Variants in GCN1 observed in about 807,000 individuals in gnomAD.
GCN1 encodes the protein GCN1 activator of EIF2AK4, also known as stalled ribosome sensor GCN1.
GCN1 carries 90 observed loss-of-function variants against 288.4 expected under a neutral mutation model. That is an observed-to-expected ratio of 0.31 (90% confidence interval 0.26 to 0.37). The LOEUF is 0.37. Among genes scored for constraint, GCN1 ranks in the 10% least tolerant of loss-of-function variants. The pLI is 1.00. For missense variants in GCN1, 2,586 were observed against 3,419.9 expected (o/e 0.76, Z 6.08); for synonymous variants, 1,386 against 1,420.2 (o/e 0.98, Z 0.54).
rs758520915 is a variant in GCN1, at chr12:120,160,227, T to C, written c.2465A>G (p.Glu822Gly). ...CTGCTTGCTGGTCAGCTGCACCTCC[T>C]CTTTGATGCCTTTCTTCTTCTTTAT... ...EEIKKKKGIK[E>G]EVQLTSKQKE... Residue 822 changes from glutamate to glycine, a missense_variant, in exon 23 of 58, where the codon GAG becomes GGG. Around this residue, in one of 8 missense-constraint regions of GCN1, gnomAD observed 913 missense variants for 1,107.0 expected, o/e 0.82. Transcript: ENST00000300648. 2 of 1,612,292 alleles carry C rather than the reference T, an allele frequency of 1.2e-6. No individual in the cohort carries two copies. Among genetic ancestry groups the C allele is most frequent in the East Asian group, 4.5e-5 (2 of 44,878 alleles).
At chr12:120,132,473 T>C (rs886680313) in intron 53 of GCN1, among the ~76,000 whole-genome samples, 3 of 152,068 alleles carry the variant, frequency 2.0e-5, no homozygotes, top group African/African-American at 7.2e-5. Flanking sequence ...TCTGAGCTCC[T>C]TTCTCCCACA....
In GCN1 at chr12:120,155,618, C is replaced by G; in HGVS notation, c.3414G>C (p.Glu1138Asp). The G allele has an allele frequency of 6.2e-7, 1 of 1,614,112 alleles. No homozygotes were observed. The highest frequency in any genetic ancestry group is 8.5e-7 in the Non-Finnish European group (1 of 1,179,998). ...RRLWVVKFDK[E>D]EEIRKLAERL... The stretch of plus-strand genomic sequence containing the variant: ...TCTCAGCCAGCTTCCGGATCTCCTC[C>G]TCCTTGTCAAACTTGACCACCCAGA... The change falls in exon 29 of 58, where the codon GAG (glutamate) becomes GAC (aspartate). Residue 1138 changes from glutamate to aspartate, a missense_variant. By Grantham distance (45) the Glu-to-Asp change is conservative. This residue lies in a region of GCN1 where 332 missense variants were observed against 403.0 expected (regional missense o/e 0.82). Coordinates refer to ENST00000300648, the MANE Select transcript of GCN1 (RefSeq NM_006836.2). This position sits in a 1 kb window ranked among gnomAD's most constrained non-coding sequence, Gnocchi z 4.9.
chr12:120,137,987 C>T lies in GCN1; in HGVS notation c.6307G>A (p.Asp2103Asn), dbSNP rs758658808. ...VLAFLSSVAG[D>N]ALTRHLGVIL... ...ACGCCAAGATGACGGGTGAGGGCAT[C>T]ACCAGCCACTGACGAAAGGAAAGCC... Residue 2103 changes from aspartate (D) to asparagine (N), a missense_variant, in exon 48 of 58, where the codon GAT (aspartate) becomes AAT (asparagine). Asp to Asn is a conservative substitution (Grantham distance 23, BLOSUM62 1). Transcript: ENST00000300648. This position sits in a 1 kb window ranked among gnomAD's most constrained non-coding sequence, Gnocchi z 5.2. The T allele has an allele frequency of 1.9e-6, 3 of 1,614,166 alleles. No homozygotes were observed. The South Asian group carries it at 3.3e-5, about 18-fold the overall frequency.
rs561041217 is a variant in GCN1, at chr12:120,174,753, T to A, written c.1093+409A>T. On this transcript the variant is annotated intron_variant, in intron 12 of 57. Transcript: ENST00000300648. ...TTGCAGTGAGCCAAGATTGTGCCAC[T>A]GCGCTCCGGCCTGGCGACAGAGTGA... is the stretch of plus-strand genomic sequence containing the variant. Among the ~76,000 whole-genome samples the A allele has an allele frequency of 1.0e-4, 14 of 136,060 alleles. No homozygotes were observed. In the East Asian group the frequency reaches 3.0e-3, roughly 29 times the overall value. 89.3% of individuals were successfully genotyped at this position (136,060 alleles called of 152,430 possible). A position where few individuals can be genotyped will look rare whatever the true frequency, so the allele number is the denominator to read the frequency against.
At chr12:120,160,858 G>A (rs1877902545) in intron 22 of GCN1, among the ~76,000 whole-genome samples, 1 of 152,192 alleles carries the variant, frequency 6.6e-6, no homozygotes, top group East Asian at 1.9e-4. Flanking sequence ...TAAACAAGAT[G>A]CTTTTGGGTT....
intron 11 of GCN1, among the ~76,000 whole-genome samples, 172 bp downstream of exon 11, chr12:120,175,574 C>G (rs529775424): frequency 6.6e-6 from 1 of 152,296 alleles, no homozygotes; most frequent in East Asian, 1.9e-4. Context: ...CCACACCACC[C>G]CGTGCACGGT....
Position 120,137,228 on chromosome 12 carries a change from G to A in GCN1, c.6755C>T (p.Pro2252Leu), listed in dbSNP as rs767757638. 1 of 1,613,918 alleles carries A rather than the reference G, an allele frequency of 6.2e-7. No individual in the cohort carries two copies. The highest frequency in any genetic ancestry group is 1.1e-5 in the South Asian group (1 of 91,072). Residue 2252 changes from proline to leucine, a missense_variant, in exon 50 of 58, where the codon CCA becomes CTA. Transcript: ENST00000300648. This position sits in a 1 kb window ranked among gnomAD's most constrained non-coding sequence, Gnocchi z 5.2. Reference sequence around the variant, plus strand: ...TACCTTCTTCGGGAGGCAGAATCCTGGCACATGCTCGCCTTTGCTCTCGTT... The same window carrying A: ...TACCTTCTTCGGGAGGCAGAATCCTAGCACATGCTCGCCTTTGCTCTCGTT... ...IGNESKGEHV[P>L]GFCLPKKGVT...
At chr12:120,182,457 G>A (rs1289411732) in intron 5 of GCN1, among the ~76,000 whole-genome samples, 1 of 152,184 alleles carries the variant, frequency 6.6e-6, no homozygotes, top group African/African-American at 2.4e-5. Context: ...TGTTTCCTAA[G>A]GCCGGTCATC....
At position 120,136,751 on chromosome 12, in the gene GCN1, C is replaced by T. The variant is rs1386064662; in HGVS notation, c.6778-19G>A. The T allele has an allele frequency of 6.3e-7, 1 of 1,589,334 alleles. No individual in the cohort carries two copies. The highest frequency in any genetic ancestry group is 8.6e-7 in the Non-Finnish European group (1 of 1,158,574). Reference sequence around the variant, plus strand: ...TCACTCCCTGACAAGAGAACCACAACTGAGAGTCAAATCTCAAACACCCTG... The same window carrying T: ...TCACTCCCTGACAAGAGAACCACAATTGAGAGTCAAATCTCAAACACCCTG... On this transcript the variant is annotated intron_variant, in intron 50 of 57. Transcript: ENST00000300648.
In GCN1 at chr12:120,134,666, G is replaced by A. The variant is rs1342938581; in HGVS notation, c.7069C>T (p.Gln2357Ter). ...AGGCGCACCCCCCGGTTGGAGTCCT[G>A]CAGGGCTTTGGTGAAAGTGGTCTGC... ...QLQTTFTKAL[Q>*]DSNRGVRLKA... Residue 2357 changes from glutamine to a stop codon, truncating the protein, a stop_gained, in exon 52 of 58, where the codon CAG becomes TAG. Transcript: ENST00000300648. LOFTEE classifies it high-confidence loss of function. This position sits in a 1 kb window ranked among gnomAD's most constrained non-coding sequence, Gnocchi z 5.0. The A allele has an allele frequency of 6.2e-7, 1 of 1,613,538 alleles. No homozygotes were observed. Among genetic ancestry groups the A allele is most frequent in the Non-Finnish European group, 8.5e-7 (1 of 1,180,032 alleles).
At chr12:120,131,857 AT>A in intron 54 of GCN1, 68 bp downstream of exon 54, 2 of 905,136 alleles carry the variant, frequency 2.2e-6, no homozygotes, top group East Asian at 5.3e-5. Flanking sequence ...AGGGAGGGAG[AT>A]GCCCGTCGAC....
intron 20 of GCN1, 161 bp from the exon 21 acceptor site, chr12:120,162,219 G>C (rs1266188471): frequency 1.6e-6 from 1 of 619,572 alleles, no homozygotes; most frequent in East Asian, 2.8e-5. Flanking sequence ...GTCTGCGTCT[G>C]CTTTCCTCAC....
intron 14 of GCN1, among the ~76,000 whole-genome samples, chr12:120,172,103 A>T (rs940835892): frequency 6.6e-6 from 1 of 152,086 alleles, no homozygotes; most frequent in Non-Finnish European, 1.5e-5. Context: ...GGCTCAAGCA[A>T]TCCTCCCACC....
intron 45 of GCN1, 61 bp from the exon 46 acceptor site, chr12:120,138,917 A>G (rs1877099600): frequency 1.4e-6 from 2 of 1,469,526 alleles, no homozygotes. Flanking sequence ...GCAGAAGCAG[A>G]CAAGAAGCAC....
chr12:120,163,052 C>G lies in GCN1; in HGVS notation c.2038+18G>C. The G allele has an allele frequency of 1.9e-6, 3 of 1,613,642 alleles. No individual in the cohort carries two copies. Among genetic ancestry groups the G allele is most frequent in the South Asian group, 2.2e-5 (2 of 91,076 alleles). On this transcript the variant is annotated intron_variant, in intron 19 of 57. Coordinates refer to ENST00000300648, the MANE Select transcript of GCN1 (RefSeq NM_006836.2). The stretch of plus-strand genomic sequence containing the variant: ...CCCTAAAGCTCTGGGCTCTCCCACA[C>G]CCACCGCAGCCACGGACCTAAGGAT...
In GCN1 at chr12:120,144,241, G is replaced by A. The variant is rs1024776168; in HGVS notation, c.5495+65C>T. On this transcript the variant is annotated intron_variant, in intron 42 of 57. Coordinates refer to ENST00000300648, the MANE Select transcript of GCN1 (RefSeq NM_006836.2). This position sits in a 1 kb window ranked among gnomAD's most constrained non-coding sequence, Gnocchi z 4.7. Reference sequence around the variant, plus strand: ...TCCTCCTGCCTCGGCTTTCCAGAGTGCTCGGATTATAGGCATGAGCCACCA... The same window carrying A: ...TCCTCCTGCCTCGGCTTTCCAGAGTACTCGGATTATAGGCATGAGCCACCA... 8 of 1,572,628 alleles carry A rather than the reference G, an allele frequency of 5.1e-6. No individual in the cohort carries two copies. The highest frequency in any genetic ancestry group is 6.1e-6 in the Non-Finnish European group (7 of 1,143,280).
Position 120,158,022 on chromosome 12 carries a change from G to A in GCN1, c.2914C>T (p.Pro972Ser), listed in dbSNP as rs1213267320. ...AAGGAGAAGGCTGGCGCGGACAAGG[G>A]CGCAGCACCTGTGAGAGCGAGAAGC... ...RVGKGEPGAA[P>S]LSAPAFSLVF... Residue 972 changes from proline to serine, a missense_variant, in exon 26 of 58, where the codon CCC (proline) becomes TCC (serine). By Grantham distance (74) the Pro-to-Ser change is moderately conservative (BLOSUM62 -1). Coordinates refer to ENST00000300648, the MANE Select transcript of GCN1 (RefSeq NM_006836.2). This position sits in a 1 kb window ranked among gnomAD's most constrained non-coding sequence, Gnocchi z 4.3. The A allele has an allele frequency of 6.2e-7, 1 of 1,613,694 alleles. No individual in the cohort carries two copies. Among genetic ancestry groups the A allele is most frequent in the African/African-American group, 1.3e-5 (1 of 74,940 alleles).
intron 5 of GCN1, among the ~76,000 whole-genome samples, chr12:120,182,538 C>T (rs567705294): frequency 5.9e-5 from 9 of 152,274 alleles, no homozygotes; most frequent in East Asian, 5.8e-4. Context: ...CCTGGCTTTG[C>T]GACAACTCTT....
chr12:120,146,409 TGGTATTATCACGGC>T (rs1017852542), intron 38 of GCN1, among the ~76,000 whole-genome samples: 1 of 151,874 alleles, frequency 6.6e-6, no homozygotes, highest in East Asian at 1.9e-4. Flanking sequence ...TGGAGTGCGG[TGGTATTATCACGGC>T]GGTATTATCA....
Sources: gnomAD v4.1 joint callset for allele counts (sites outside exome capture counted in the v4.1 genomes callset) on GRCh38, gnomAD v4.1.1 for gene constraint, gnomAD v4.1.1 regional missense constraint, Gnocchi (gnomAD v3.1) non-coding constraint, MANE v1.5 for transcripts, NCBI Gene and HGNC (gene_info 2026-07-23, HGNC 2026-07-21) for gene names.